GRIN2C: variants seen among roughly 807,000 people sequenced by gnomAD.
GRIN2C encodes glutamate receptor ionotropic, NMDA 2C.
A neutral mutation model predicts 77.7 loss-of-function variants in GRIN2C; 64 were observed. The observed-to-expected ratio is 0.82, with a 90% CI of 0.67 to 1.01. GRIN2C has a LOEUF of 1.01. Among genes scored for constraint, GRIN2C ranks in the 50% least tolerant of loss-of-function variants. The pLI is 0.00. For synonymous variants in GRIN2C, 792 were observed against 643.4 expected, an observed-to-expected ratio of 1.23 and a Z score of -3.49; for missense variants, 1,549 against 1,486.0, an observed-to-expected ratio of 1.04 and a Z score of -0.70.
At chr17:74,860,824 G>C (rs1447929608), upstream of GRIN2C, 1 of 294,418 alleles carries the variant, frequency 3.4e-6, no homozygotes, top group African/African-American at 2.3e-5. Flanking sequence ...AGAGCTGGAA[G>C]GGGAAGAAGC....
intron 12 of GRIN2C, chr17:74,843,903 T>C: frequency 2.3e-6 from 1 of 442,818 alleles, no homozygotes; most frequent in East Asian, 4.3e-5. Flanking sequence ...AAACAGGATC[T>C]CACTCTGCTG....
In GRIN2C at chr17:74,846,866, C is replaced by T; in HGVS notation, c.2056G>A (p.Gly686Ser). Residue 686 changes from glycine (G) to serine (S), a missense_variant, in exon 10 of 13, where the codon GGC becomes AGC. Coordinates refer to ENST00000293190, the MANE Select transcript of GRIN2C (RefSeq NM_000835.6). This position sits in a 1 kb window ranked among gnomAD's most constrained non-coding sequence, Gnocchi z 4.4. ...CTGCGGATGTTCCGCTCCGTGCTGC[C>T]GTTGGGCACCGTGCCGAAGCGGAAA... is the stretch of plus-strand genomic sequence containing the variant. ...PPFRFGTVPN[G>S]STERNIRSNY... The T allele has an allele frequency of 2.5e-6, 4 of 1,614,112 alleles. No individual in the cohort carries two copies. Among genetic ancestry groups the T allele is most frequent in the Non-Finnish European group, 2.5e-6 (3 of 1,180,020 alleles).
At chr17:74,843,874 CTTTT>C (rs60038024) in intron 12 of GRIN2C, among the ~76,000 whole-genome samples, 1 of 139,728 alleles carries the variant, frequency 7.2e-6, no homozygotes, top group Admixed American at 7.1e-5. Flanking sequence ...AGGACGTTGG[CTTTT>C]TTTTTTTTTT....
chr17:74,852,165 G>C lies in GRIN2C; in HGVS notation c.846C>G (p.Arg282=). The change falls in exon 3 of 13, where the codon CGC becomes CGG. Residue 282 remains arginine (R), a synonymous_variant. Transcript: ENST00000293190. The part of the protein sequence containing the change: ...GLISVVTESW[R]LSLRQKVRDG... Reference sequence around the variant, plus strand: ...CGCGCACCTTCTGGCGCAGGCTGAGGCGCCAGCTCTCGGTGACGACGCTGA... The same window carrying C: ...CGCGCACCTTCTGGCGCAGGCTGAGCCGCCAGCTCTCGGTGACGACGCTGA... 1 of 1,461,228 alleles carries C rather than the reference G, an allele frequency of 6.8e-7. No homozygotes were observed. Among genetic ancestry groups the C allele is most frequent in the Non-Finnish European group, 9.0e-7 (1 of 1,108,262 alleles). The allele number at this position is 1,461,228 out of a possible 1,614,324, so 90.5% of individuals were successfully genotyped here.
chr17:74,846,569 C>T lies in GRIN2C; in HGVS notation c.2162+191G>A, dbSNP rs1038482216. ...TGAGGCTGAACTTTGATTGGCACCACAGCTGTGTTCTGAGACACATGGTGG... is the reference window on the plus strand; with the variant it reads ...TGAGGCTGAACTTTGATTGGCACCATAGCTGTGTTCTGAGACACATGGTGG... On this transcript the variant is annotated intron_variant, in intron 10 of 12. Coordinates refer to ENST00000293190, the MANE Select transcript of GRIN2C (RefSeq NM_000835.6). This position sits in a 1 kb window ranked among gnomAD's most constrained non-coding sequence, Gnocchi z 4.4. Among the ~76,000 whole-genome samples the T allele has an allele frequency of 2.6e-5, 4 of 152,216 alleles. No homozygotes were observed. Among genetic ancestry groups the T allele is most frequent in the African/African-American group, 9.6e-5 (4 of 41,454 alleles).
At position 74,859,206 on chromosome 17, in the gene GRIN2C, C is replaced by G. The variant is rs1160470963; in HGVS notation, c.-16+538G>C. On this transcript the variant is annotated intron_variant, in intron 1 of 12. Transcript: ENST00000293190. This position sits in a 1 kb window ranked among gnomAD's most constrained non-coding sequence, Gnocchi z 5.9. The stretch of plus-strand genomic sequence containing the variant: ...AGGGTCTCACCCCTTCCACAAACAG[C>G]CCTTAAACTAATGTTTGACAAACAC... Among the ~76,000 whole-genome samples, 1 of 152,192 alleles carries G rather than the reference C, an allele frequency of 6.6e-6. No homozygotes were observed. Among genetic ancestry groups the G allele is most frequent in the Non-Finnish European group, 1.5e-5 (1 of 68,040 alleles).
At chr17:74,856,823 A>G (rs185186487) in intron 1 of GRIN2C, among the ~76,000 whole-genome samples, 2 of 152,242 alleles carry the variant, frequency 1.3e-5, no homozygotes, top group Admixed American at 1.3e-4. Flanking sequence ...TCTTACAGAC[A>G]TATGGGCCTT....
chr17:74,852,383 C>T lies in GRIN2C; in HGVS notation c.628G>A (p.Ala210Thr). The change falls in exon 3 of 13, where the codon GCG becomes ACG. Residue 210 changes from alanine to threonine, a missense_variant. Coordinates refer to ENST00000293190, the MANE Select transcript of GRIN2C (RefSeq NM_000835.6). ...TGGCGCAGCAGGCGCTGCGTGCGCG[C>T]GCGCGGCCCTCCCGGGCCCAGCTCC... Reference protein sequence around the residue: ...TLELGPGGPRARTQRLLRQLD... With the variant: ...TLELGPGGPRTRTQRLLRQLD... 1.4e-6 allele frequency: 2 copies of T among 1,441,336 alleles called. No homozygotes were observed. The highest frequency in any genetic ancestry group is 3.0e-5 in the Admixed American group (1 of 33,466). The allele number at this position is 1,441,336 out of a possible 1,614,324, so 89.3% of individuals were successfully genotyped here.
Position 74,847,436 on chromosome 17 carries a change from T to C in GRIN2C, c.1873A>G (p.Ser625Gly). The C allele has an allele frequency of 6.2e-7, 1 of 1,614,020 alleles. No homozygotes were observed. Among genetic ancestry groups the C allele is most frequent in the Non-Finnish European group, 8.5e-7 (1 of 1,179,950 alleles). ...VPIENPRGTTSKIMVLVWAFF... is the reference protein window; with the variant it reads ...VPIENPRGTTGKIMVLVWAFF... ...GCCCAGACCAGAACCATGATCTTGC[T>C]GGTGGTGCCCCGCGGGTTCTCGATG... Residue 625 changes from serine to glycine, a missense_variant, in exon 9 of 13, where the codon AGC becomes GGC. Physicochemically the swap from Ser to Gly is moderately conservative, Grantham distance 56. Transcript: ENST00000293190. The surrounding 1 kb of genome is among the most constrained non-coding windows in gnomAD (Gnocchi z 5.2).
chr17:74,857,558 G>A (rs1346276413), intron 1 of GRIN2C, among the ~76,000 whole-genome samples: 1 of 152,238 alleles, frequency 6.6e-6, no homozygotes, highest in Non-Finnish European at 1.5e-5. Flanking sequence ...AATCAGGGAT[G>A]TCAGATCTCA....
At chr17:74,857,240 G>C (rs900011546) in intron 1 of GRIN2C, among the ~76,000 whole-genome samples, 20 of 152,190 alleles carry the variant, frequency 1.3e-4, no homozygotes, top group Non-Finnish European at 2.8e-4. Flanking sequence ...CTCATTCACA[G>C]GAAGGTATGA....
In GRIN2C at chr17:74,854,891, C is replaced by T. The variant is rs771568933; in HGVS notation, c.202G>A (p.Gly68Arg). The stretch of plus-strand genomic sequence containing the variant: ...CTGCTGGGGTTGGTGGTGTTGACCC[C>T]AACTGTGAGCGGCTGGATCTCCAGG... The part of the protein sequence containing the change: ...LPLEIQPLTV[G>R]VNTTNPSSLL... The change falls in exon 2 of 13, where the codon GGG (glycine) becomes AGG (arginine). Residue 68 changes from glycine (G) to arginine (R), a missense_variant. By Grantham distance (125) the Gly-to-Arg change is moderately radical. Transcript: ENST00000293190. The T allele has an allele frequency of 2.3e-5, 37 of 1,613,318 alleles. No individual in the cohort carries two copies. The highest frequency in any genetic ancestry group is 3.1e-5 in the Non-Finnish European group (36 of 1,179,598).
chr17:74,854,638 G>T lies in GRIN2C; in HGVS notation c.399+56C>A, dbSNP rs188609403. On this transcript the variant is annotated intron_variant, in intron 2 of 12. Coordinates refer to ENST00000293190, the MANE Select transcript of GRIN2C (RefSeq NM_000835.6). ...AGCTTCCCAGAACCAAAGCACCCCC[G>T]ACCCCAGCCTGGTTCCAGGCCTGAG... 5 of 1,494,876 alleles carry T rather than the reference G, an allele frequency of 3.3e-6. No individual in the cohort carries two copies. In the African/African-American group the frequency reaches 4.1e-5, roughly 12 times the overall value. The allele number at this position is 1,494,876 out of a possible 1,614,324, so 92.6% of individuals were successfully genotyped here. A position where few individuals can be genotyped will look rare whatever the true frequency, so the allele number is the denominator to read the frequency against.
At position 74,852,068 on chromosome 17, in the gene GRIN2C, C is replaced by T; in HGVS notation, c.943G>A (p.Gly315Arg). 3 of 1,456,368 alleles carry T rather than the reference C, an allele frequency of 2.1e-6. No homozygotes were observed. Among genetic ancestry groups the T allele is most frequent in the Non-Finnish European group, 1.8e-6 (2 of 1,103,352 alleles). The allele number at this position is 1,456,368 out of a possible 1,614,324, so 90.2% of individuals were successfully genotyped here. A position where few individuals can be genotyped will look rare whatever the true frequency, so the allele number is the denominator to read the frequency against. Residue 315 changes from glycine (G) to arginine (R), a missense_variant, in exon 3 of 13, where the codon GGG (glycine) becomes AGG (arginine). Coordinates refer to ENST00000293190, the MANE Select transcript of GRIN2C (RefSeq NM_000835.6). ...GGCCCAGGGTGAACACGGCAGTCCCCGGCCGGGGCTGGCAGGGTTCCATGC... is the reference window on the plus strand; with the variant it reads ...GGCCCAGGGTGAACACGGCAGTCCCTGGCCGGGGCTGGCAGGGTTCCATGC... ...RQHGTLPAPAGDCRVHPGPVS... is the reference protein window; with the variant it reads ...RQHGTLPAPARDCRVHPGPVS...
intron 12 of GRIN2C, chr17:74,844,005 C>T: frequency 1.7e-6 from 1 of 603,902 alleles, no homozygotes; most frequent in Non-Finnish European, 2.8e-6. Context: ...TCCTGAGTAG[C>T]TGGGACTGCA....
At chr17:74,844,017 G>A (rs2037382828) in intron 12 of GRIN2C, 3 of 647,484 alleles carry the variant, frequency 4.6e-6, no homozygotes. Context: ...GGGACTGCAG[G>A]CGCGCACCAC....
Position 74,847,272 on chromosome 17 carries a change from G to GGGCCCC in GRIN2C, c.2001+35_2001+36insGGGGCC. 1.4e-6 allele frequency: 1 copy of GGGCCCC among 692,320 alleles called. No homozygotes were observed. The highest frequency in any genetic ancestry group is 2.6e-6 in the Non-Finnish European group (1 of 384,402). 42.9% of individuals were successfully genotyped at this position (692,320 alleles called of 1,614,324 possible). On this transcript the variant is annotated intron_variant, in intron 9 of 12. Transcript: ENST00000293190. The surrounding 1 kb of genome is among the most constrained non-coding windows in gnomAD (Gnocchi z 5.2). ...CTCACGGCCTGTCCCCACCCTCAGTGCCCCCCCCCACCCCCAGCAGCTATG... is the reference window on the plus strand; with the variant it reads ...CTCACGGCCTGTCCCCACCCTCAGTGGGCCCCCCCCCCCCCACCCCCAGCAGCTATG...
Position 74,843,512 on chromosome 17 carries a change from G to C in GRIN2C, c.2625C>G (p.Ser875Arg), listed in dbSNP as rs1164213606. The C allele has an allele frequency of 6.5e-7, 1 of 1,533,488 alleles. No individual in the cohort carries two copies. The highest frequency in any genetic ancestry group is 2.4e-5 in the East Asian group (1 of 40,902). 95.0% of individuals were successfully genotyped at this position (1,533,488 alleles called of 1,614,324 possible). ...GGTCCGGGCTGGCCTGCCGCGGTGG[G>C]CTGGCGAGGCTCTGCACCCCGCTGA... The part of the protein sequence containing the change: ...SCFSGVQSLA[S>R]PPRQASPDLT... The change falls in exon 13 of 13, where the codon AGC (serine) becomes AGG (arginine). Residue 875 changes from serine (S) to arginine (R), a missense_variant. Transcript: ENST00000293190.
In GRIN2C at chr17:74,846,281, G is replaced by A; in HGVS notation, c.2163-28C>T. ...GGGGACAGGCTGAGCCTCAGAGCTAGGGACCATATGGGAGGGGAGGGGACA... is the reference window on the plus strand; with the variant it reads ...GGGGACAGGCTGAGCCTCAGAGCTAAGGACCATATGGGAGGGGAGGGGACA... On this transcript the variant is annotated intron_variant, in intron 10 of 12. Coordinates refer to ENST00000293190, the MANE Select transcript of GRIN2C (RefSeq NM_000835.6). This position sits in a 1 kb window ranked among gnomAD's most constrained non-coding sequence, Gnocchi z 4.4. 1 of 1,601,036 alleles carries A rather than the reference G, an allele frequency of 6.2e-7. No individual in the cohort carries two copies. The highest frequency in any genetic ancestry group is 8.6e-7 in the Non-Finnish European group (1 of 1,168,896).
Sources: gnomAD v4.1 joint callset for allele counts (sites outside exome capture counted in the v4.1 genomes callset) on GRCh38, gnomAD v4.1.1 for gene constraint, Gnocchi (gnomAD v3.1) non-coding constraint, MANE v1.5 for transcripts, NCBI Gene and HGNC (gene_info 2026-07-23, HGNC 2026-07-21) for gene names.